USH2A: variants seen among roughly 807,000 people sequenced by gnomAD.
The protein encoded by USH2A is Usher syndrome 2A (autosomal recessive, mild).
Under a neutral mutation model 538.9 loss-of-function variants are expected in USH2A, and 443 were observed. The ratio of observed to expected loss-of-function variants is 0.82; its 90% CI spans 0.76 to 0.89. The LOEUF is 0.89. Among genes scored for constraint, USH2A ranks in the 40% least tolerant of loss-of-function variants. The probability of loss-of-function intolerance (pLI) is 0.00; values close to 1 mark genes in which losing one functional copy is unlikely to be tolerated. For synonymous variants in USH2A, 2,413 were observed against 2,273.5 expected, an observed-to-expected ratio of 1.06 and a Z score of -1.75; for missense variants, 6,633 against 6,324.8, an observed-to-expected ratio of 1.05 and a Z score of -1.65.
chr1:216,025,455 G>A (rs1314667391), intron 32 of USH2A, among the ~76,000 whole-genome samples: 4 of 151,860 alleles, frequency 2.6e-5, no homozygotes, highest in African/African-American at 9.7e-5. Context: ...TGTTTGGTTA[G>A]TGTTAGTATT....
At chr1:216,350,709 T>C (rs1009455202) in intron 4 of USH2A, among the ~76,000 whole-genome samples, 2 of 152,096 alleles carry the variant, frequency 1.3e-5, no homozygotes, top group African/African-American at 4.8e-5. Context: ...TTAGCTCCAG[T>C]GGCTGCTCTC....
intron 32 of USH2A, among the ~76,000 whole-genome samples, chr1:216,021,199 A>C (rs897851820): frequency 6.6e-6 from 1 of 152,118 alleles, no homozygotes; most frequent in African/African-American, 2.4e-5. Flanking sequence ...ATCTGCCCTG[A>C]TGTGGTTTGG....
chr1:215,871,368 AATAG>A lies in USH2A; in HGVS notation c.8682-4202_8682-4199del, dbSNP rs752729050. Among the ~76,000 whole-genome samples, 12 of 152,334 alleles carry A rather than the reference AATAG, an allele frequency of 7.9e-5. No homozygotes were observed. The East Asian group carries it at 2.1e-3, about 27-fold the overall frequency. On this transcript the variant is annotated intron_variant, in intron 43 of 71. Coordinates refer to ENST00000307340, the MANE Select transcript of USH2A (RefSeq NM_206933.4). ...GCAGTTTTAATTTGTTTATTTACTG[AATAG>A]ATAATTTTATAAATGAATGAATAGA...
chr1:216,121,750 C>A (rs2033142679), intron 21 of USH2A, among the ~76,000 whole-genome samples: 1 of 152,082 alleles, frequency 6.6e-6, no homozygotes, highest in South Asian at 2.1e-4. Context: ...GCTGAGTGAG[C>A]CCAATGAACA....
chr1:215,671,047 T>C lies in USH2A; in HGVS notation c.14058A>G (p.Pro4686=). 3 of 1,614,184 alleles carry C rather than the reference T, an allele frequency of 1.9e-6. No individual in the cohort carries two copies. The highest frequency in any genetic ancestry group is 2.5e-6 in the Non-Finnish European group (3 of 1,180,020). The part of the protein sequence containing the change: ...QIATQPRKSN[P]VLIYNGSSTS... ...TTGAGCTTCCGTTATAGATTAGGAC[T>C]GGATTGGATTTTCTAGGCTGAGTTG... Residue 4686 remains proline, a synonymous_variant, in exon 64 of 72, where the codon CCA becomes CCG. Transcript: ENST00000307340.
chr1:216,114,842 A>T lies in USH2A; in HGVS notation c.4628-17629T>A, dbSNP rs2032965365. Among the ~76,000 whole-genome samples, 3 of 152,306 alleles carry T rather than the reference A, an allele frequency of 2.0e-5. No individual in the cohort carries two copies. The South Asian group carries it at 6.2e-4, about 32-fold the overall frequency. On this transcript the variant is annotated intron_variant, in intron 21 of 71. Transcript: ENST00000307340. ...TGAATAGCTTTTTAAACTTAGCTAC[A>T]AATATAGAACTATAGGCTTATGTGT...
chr1:216,004,221 C>T (rs923816995), intron 32 of USH2A, among the ~76,000 whole-genome samples: 1 of 152,130 alleles, frequency 6.6e-6, no homozygotes, highest in African/African-American at 2.4e-5. Flanking sequence ...AGGAAGAGTT[C>T]ATGGCTTGAG....
At chr1:216,403,536 G>A (rs1224789901) in intron 3 of USH2A, among the ~76,000 whole-genome samples, 1 of 151,896 alleles carries the variant, frequency 6.6e-6, no homozygotes, top group Non-Finnish European at 1.5e-5. Flanking sequence ...AACAAATAAA[G>A]AATTTCCAGA....
At chr1:215,898,968 C>G (rs1175268528) in intron 40 of USH2A, among the ~76,000 whole-genome samples, 4 of 152,108 alleles carry the variant, frequency 2.6e-5, no homozygotes, top group African/African-American at 9.7e-5. Context: ...CTAACTTTCT[C>G]CCAGGGAGTA....
At chr1:216,339,270 ATGTG>A (rs2038030782) in intron 4 of USH2A, among the ~76,000 whole-genome samples, 2 of 151,516 alleles carry the variant, frequency 1.3e-5, no homozygotes, top group African/African-American at 4.8e-5. Context: ...ATTTTTATAT[ATGTG>A]CATATATATA....
At chr1:215,851,811 C>T (rs1220838713) in intron 44 of USH2A, among the ~76,000 whole-genome samples, 1 of 151,864 alleles carries the variant, frequency 6.6e-6, no homozygotes, top group Non-Finnish European at 1.5e-5. Context: ...ATAACCAAAT[C>T]CAACAGCATA....
intron 15 of USH2A, among the ~76,000 whole-genome samples, chr1:216,210,772 G>A (rs2035222940): frequency 6.6e-6 from 1 of 152,026 alleles, no homozygotes; most frequent in South Asian, 2.1e-4. Context: ...CACGAGGTCA[G>A]GAGATCAAGA....
chr1:215,844,572 T>C (rs1663786223), intron 45 of USH2A, 76 bp from the exon 46 acceptor site: 20 of 1,482,032 alleles, frequency 1.3e-5, no homozygotes, highest in Non-Finnish European at 1.8e-5. Flanking sequence ...TGCAGATTAG[T>C]ATTTAGGTTT....
intron 19 of USH2A, among the ~76,000 whole-genome samples, chr1:216,191,396 G>A (rs192014554): frequency 1.4e-4 from 21 of 151,942 alleles, no homozygotes; most frequent in Admixed American, 1.2e-3. Context: ...TTAAAATTTC[G>A]TAAGTTACAT....
In USH2A at chr1:215,623,425, T is replaced by TA. The variant is rs1333517568; in HGVS notation, c.*2355dup. On this transcript the variant is annotated 3_prime_UTR_variant, in exon 72 of 72. Transcript: ENST00000307340. ...TCAACATTAGAACACCTGGAAGCTT[T>TA]AAAAAGTACTGATGCCTCAGCCACA... 1 of 151,662 alleles carries TA rather than the reference T, an allele frequency of 6.6e-6. No homozygotes were observed. The highest frequency in any genetic ancestry group is 2.4e-5 in the African/African-American group (1 of 41,408). The allele number at this position is 151,662 out of a possible 1,614,324, so 9.4% of individuals were successfully genotyped here.
intron 44 of USH2A, among the ~76,000 whole-genome samples, chr1:215,846,673 T>C (rs954701160): frequency 6.6e-6 from 1 of 152,192 alleles, no homozygotes; most frequent in Non-Finnish European, 1.5e-5. Context: ...AGAACTTTGA[T>C]ATAACACTTA....
At chr1:215,656,989 TG>T (rs1193044202) in intron 64 of USH2A, among the ~76,000 whole-genome samples, 2 of 152,268 alleles carry the variant, frequency 1.3e-5, no homozygotes. Flanking sequence ...GGGCATGTAA[TG>T]AGATTGTTAT....
At chr1:215,926,927 T>C (rs909566436) in intron 38 of USH2A, among the ~76,000 whole-genome samples, 1 of 152,070 alleles carries the variant, frequency 6.6e-6, no homozygotes, top group South Asian at 2.1e-4. Flanking sequence ...TATTCTTATC[T>C]GACTTGCCAG....
intron 38 of USH2A, among the ~76,000 whole-genome samples, chr1:215,934,089 A>T (rs2102499060): frequency 6.6e-6 from 1 of 152,138 alleles, no homozygotes; most frequent in Non-Finnish European, 1.5e-5. Flanking sequence ...AACTGTAATT[A>T]TTAGGATCAG....
Sources: gnomAD v4.1 joint callset for allele counts (sites outside exome capture counted in the v4.1 genomes callset) on GRCh38, gnomAD v4.1.1 for gene constraint, MANE v1.5 for transcripts, NCBI Gene and HGNC (gene_info 2026-07-23, HGNC 2026-07-21) for gene names.